Variants in BTBD16 observed in about 807,000 individuals in gnomAD.
BTBD16 encodes BTB/POZ domain-containing protein 16.
Under a neutral mutation model 67.4 loss-of-function variants are expected in BTBD16, and 66 were observed. The observed-to-expected ratio is 0.98, with a 90% confidence interval of 0.80 to 1.20. The LOEUF is 1.20. BTBD16 is among the 50% of genes most tolerant of loss of function. The pLI, the probability that BTBD16 is intolerant of heterozygous loss-of-function variation, is 0.00. For synonymous variants in BTBD16, 242 were observed against 236.4 expected (o/e 1.02, Z -0.22); for missense variants, 634 against 616.0 (o/e 1.03, Z -0.31).
At chr10:122,321,173 A>G (rs1017558957) in intron 10 of BTBD16, among the ~76,000 whole-genome samples, 5 of 152,204 alleles carry the variant, frequency 3.3e-5, no homozygotes, top group Non-Finnish European at 5.9e-5. Context: ...GTTGCTGCAA[A>G]GAACATAATA....
At chr10:122,324,266 G>C (rs1409558880) in intron 10 of BTBD16, among the ~76,000 whole-genome samples, 1 of 152,188 alleles carries the variant, frequency 6.6e-6, no homozygotes, top group Non-Finnish European at 1.5e-5. Context: ...GTGCACTGGT[G>C]AACCCAACAG....
intron 12 of BTBD16, 54 bp from the exon 13 acceptor site, chr10:122,332,382 G>T: frequency 1.3e-6 from 2 of 1,559,330 alleles, no homozygotes; most frequent in South Asian, 2.3e-5. Context: ...ATGAAGAGAG[G>T]CGCTCGTGTC....
chr10:122,286,492 T>G (rs904594939), intron 5 of BTBD16, among the ~76,000 whole-genome samples: 1 of 152,188 alleles, frequency 6.6e-6, no homozygotes, highest in African/African-American at 2.4e-5. Context: ...GAACAAGGCC[T>G]GGCACACAGC....
At chr10:122,273,689 A>G (rs2096334204) in intron 1 of BTBD16, among the ~76,000 whole-genome samples, 1 of 152,218 alleles carries the variant, frequency 6.6e-6, no homozygotes, top group African/African-American at 2.4e-5. Flanking sequence ...TTGAGGCTGC[A>G]GTGAGCCTTT....
chr10:122,320,416 T>G (rs75117798), intron 10 of BTBD16, among the ~76,000 whole-genome samples: 2,808 of 152,244 alleles, frequency 0.018, 51 homozygotes, highest in African/African-American at 0.056. Flanking sequence ...AGATGTTTTA[T>G]TTTATCAAAT....
chr10:122,293,460 C>G (rs1247457086), intron 7 of BTBD16, among the ~76,000 whole-genome samples: 1 of 152,158 alleles, frequency 6.6e-6, no homozygotes, highest in African/African-American at 2.4e-5. Context: ...AGGGGACACA[C>G]ATTGAAGAGG....
rs2096433772 is a variant in BTBD16 at position 122,320,556 on chromosome 10, T to A, written c.912-8924T>A. Among the ~76,000 whole-genome samples, 3 of 152,168 alleles carry A rather than the reference T, an allele frequency of 2.0e-5. No homozygotes were observed. The South Asian group carries it at 6.2e-4, about 32-fold the overall frequency. Reference sequence around the variant, plus strand: ...TTGCTTTAGCTGCATCTCAGAAATTTTGATATGTTGTGTTTTAAACTTCAT... The same window carrying A: ...TTGCTTTAGCTGCATCTCAGAAATTATGATATGTTGTGTTTTAAACTTCAT... On this transcript the variant is annotated intron_variant, in intron 10 of 15. Transcript: ENST00000260723.
chr10:122,334,763 C>A, intron 13 of BTBD16, 118 bp from the exon 14 acceptor site: 1 of 584,960 alleles, frequency 1.7e-6, no homozygotes, highest in Non-Finnish European at 3.0e-6. Context: ...CTCAGATGAT[C>A]TGCCCGCCTC....
chr10:122,302,741 A>G (rs1378388163), intron 9 of BTBD16, among the ~76,000 whole-genome samples: 2 of 152,232 alleles, frequency 1.3e-5, no homozygotes, highest in East Asian at 3.8e-4. Flanking sequence ...TCAGCTATAT[A>G]CAGTTGTTGT....
rs150023998 is a variant in BTBD16, at chr10:122,272,490, C to T, written c.-43+976C>T. Reference sequence around the variant, plus strand: ...CCAAGTAGCTGGGATTACAGGCATGCGCCACCACACCCAGCTAATTTTGTA... The same window carrying T: ...CCAAGTAGCTGGGATTACAGGCATGTGCCACCACACCCAGCTAATTTTGTA... On this transcript the variant is annotated intron_variant, in intron 1 of 15. Coordinates refer to ENST00000260723, the MANE Select transcript of BTBD16 (RefSeq NM_144587.5). Among the ~76,000 whole-genome samples, 590 of 152,078 alleles carry T rather than the reference C, an allele frequency of 3.9e-3. 3 individuals are homozygous for T. Among genetic ancestry groups the T allele is most frequent in the African/African-American group, 0.013 (556 of 41,468 alleles).
chr10:122,279,039 A>G (rs1330554195), intron 3 of BTBD16, among the ~76,000 whole-genome samples: 2 of 152,218 alleles, frequency 1.3e-5, no homozygotes, highest in African/African-American at 2.4e-5. Flanking sequence ...CCAAACTCCC[A>G]GTCAAGGGAC....
intron 11 of BTBD16, among the ~76,000 whole-genome samples, chr10:122,330,962 T>G (rs2096454100): frequency 6.6e-6 from 1 of 152,130 alleles, no homozygotes; most frequent in African/African-American, 2.4e-5. Context: ...TAAAAGAGAA[T>G]CGATTTGGAA....
intron 14 of BTBD16, among the ~76,000 whole-genome samples, chr10:122,335,291 C>T (rs1354017978): frequency 2.6e-5 from 4 of 152,214 alleles, no homozygotes; most frequent in African/African-American, 9.6e-5. Context: ...ACTTCATCTT[C>T]AATTTATACA....
chr10:122,292,716 C>A (rs532143429), intron 7 of BTBD16, among the ~76,000 whole-genome samples: 2 of 152,324 alleles, frequency 1.3e-5, no homozygotes, highest in East Asian at 1.9e-4. Flanking sequence ...AGTGAGGGAC[C>A]AGATGGGCAG....
rs928460919 is a variant in BTBD16, at chr10:122,291,297, C to T, written c.590+103C>T. 5.7e-6 allele frequency: 8 copies of T among 1,415,902 alleles called. No homozygotes were observed. In the African/African-American group the frequency reaches 8.6e-5, roughly 15 times the overall value. 87.7% of individuals were successfully genotyped at this position (1,415,902 alleles called of 1,614,324 possible). The stretch of plus-strand genomic sequence containing the variant: ...AACATTCCTCTTCATTGGGCTAAGA[C>T]ACCTCAGGTGTCTTTGTGCCAAGCA... On this transcript the variant is annotated intron_variant, in intron 7 of 15. Transcript: ENST00000260723.
At chr10:122,316,092 C>T (rs779934393) in intron 10 of BTBD16, among the ~76,000 whole-genome samples, 4 of 152,104 alleles carry the variant, frequency 2.6e-5, no homozygotes, top group Non-Finnish European at 5.9e-5. Context: ...CATGGTGGAA[C>T]CCCTTCTCTA....
intron 4 of BTBD16, among the ~76,000 whole-genome samples, chr10:122,284,873 G>A (rs1342820555): frequency 2.6e-5 from 4 of 152,006 alleles, no homozygotes; most frequent in Non-Finnish European, 5.9e-5. Flanking sequence ...CCATGCATTG[G>A]CCATCCTGAA....
chr10:122,276,990 G>C (rs774133418), intron 3 of BTBD16, 51 bp downstream of exon 3: 18 of 1,584,802 alleles, frequency 1.1e-5, no homozygotes, highest in Admixed American at 1.7e-5. Context: ...ATTCCTGGGA[G>C]GGGAGGTGCC....
chr10:122,302,943 T>G lies in BTBD16; in HGVS notation c.791+3809T>G, dbSNP rs562186520. Among the ~76,000 whole-genome samples the G allele has an allele frequency of 5.9e-5, 9 of 152,296 alleles. No individual in the cohort carries two copies. The South Asian group carries it at 1.7e-3, about 28-fold the overall frequency. ...TGAGTGGCCTAAAGCCTGTGGTCAT[T>G]ACCAGCTCACTGACGTGCTCTGCAT... is the stretch of plus-strand genomic sequence containing the variant. On this transcript the variant is annotated intron_variant, in intron 9 of 15. Transcript: ENST00000260723.
Sources: gnomAD v4.1 joint callset for allele counts (sites outside exome capture counted in the v4.1 genomes callset) on GRCh38, gnomAD v4.1.1 for gene constraint, MANE v1.5 for transcripts, NCBI Gene and HGNC (gene_info 2026-07-23, HGNC 2026-07-21) for gene names.